Variants in LDB2 observed in about 807,000 individuals in gnomAD.
LDB2 encodes the protein LIM domain binding 2.
Under a neutral mutation model 44.3 loss-of-function variants are expected in LDB2, and 12 were observed. The observed-to-expected ratio is 0.27, with a 90% CI of 0.17 to 0.44. The LOEUF is 0.44. Among genes scored for constraint, LDB2 ranks in the 20% least tolerant of loss-of-function variants. LDB2 has a pLI of 1.00. For synonymous variants in LDB2, 164 were observed against 174.8 expected (o/e 0.94, Z 0.49); for missense variants, 344 against 473.5 (o/e 0.73, Z 2.54).
At chr4:16,515,487 T>C (rs1430445444) in intron 5 of LDB2, among the ~76,000 whole-genome samples, 1 of 152,224 alleles carries the variant, frequency 6.6e-6, no homozygotes, top group African/African-American at 2.4e-5. Flanking sequence ...GACTACTTCA[T>C]TGCCTTTCCA....
intron 5 of LDB2, among the ~76,000 whole-genome samples, chr4:16,573,055 A>T (rs1029547629): frequency 3.3e-5 from 5 of 152,250 alleles, no homozygotes; most frequent in African/African-American, 1.2e-4. Context: ...CCCACGGTGG[A>T]GTGGTGTAGC....
intron 1 of LDB2, among the ~76,000 whole-genome samples, chr4:16,893,995 CA>C (rs1156727700): frequency 3.3e-5 from 5 of 152,116 alleles, no homozygotes; most frequent in African/African-American, 1.2e-4. Flanking sequence ...CCTTCACTTA[CA>C]ATGATGTCCA....
intron 5 of LDB2, among the ~76,000 whole-genome samples, chr4:16,584,957 C>A (rs1157510590): frequency 1.3e-5 from 2 of 152,208 alleles, no homozygotes; most frequent in African/African-American, 4.8e-5. Context: ...TATGTGGGGT[C>A]AGCTGAGGAC....
intron 1 of LDB2, among the ~76,000 whole-genome samples, chr4:16,850,174 T>C (rs1787898876): frequency 6.6e-6 from 1 of 152,056 alleles, no homozygotes; most frequent in Non-Finnish European, 1.5e-5. Flanking sequence ...GCGCTTTCTG[T>C]GAGTCTGTTA....
At chr4:16,695,232 CA>C (rs1391209794) in intron 2 of LDB2, among the ~76,000 whole-genome samples, 1 of 152,058 alleles carries the variant, frequency 6.6e-6, no homozygotes, top group Non-Finnish European at 1.5e-5. Context: ...ATGCAGGCCA[CA>C]AAAAGTATAA....
intron 1 of LDB2, among the ~76,000 whole-genome samples, chr4:16,786,175 A>C (rs919586966): frequency 6.6e-6 from 1 of 152,198 alleles, no homozygotes; most frequent in Non-Finnish European, 1.5e-5. Flanking sequence ...ACCATGATCC[A>C]CAGGCTCTGT....
chr4:16,642,919 A>T (rs1045609965), intron 2 of LDB2, among the ~76,000 whole-genome samples: 2 of 152,206 alleles, frequency 1.3e-5, no homozygotes, highest in Non-Finnish European at 2.9e-5. Context: ...GAGGGGTGGC[A>T]AGAAGATAGT....
At chr4:16,675,354 T>A (rs1746011245) in intron 2 of LDB2, among the ~76,000 whole-genome samples, 1 of 152,216 alleles carries the variant, frequency 6.6e-6, no homozygotes, top group African/African-American at 2.4e-5. Flanking sequence ...TATGTCCTCA[T>A]GTGACTTCAA....
intron 2 of LDB2, among the ~76,000 whole-genome samples, chr4:16,606,360 A>G (rs1209591891): frequency 2.0e-5 from 3 of 152,202 alleles, no homozygotes; most frequent in Non-Finnish European, 2.9e-5. Context: ...AACAGGGTAG[A>G]AAGGGAAATA....
At chr4:16,693,446 C>G (rs947148671) in intron 2 of LDB2, among the ~76,000 whole-genome samples, 1 of 151,326 alleles carries the variant, frequency 6.6e-6, no homozygotes, top group African/African-American at 2.4e-5. Flanking sequence ...ACCTCCGCCT[C>G]CTGGGTTCAA....
chr4:16,507,494 G>T (rs80127795), intron 7 of LDB2, among the ~76,000 whole-genome samples: 2,315 of 152,238 alleles, frequency 0.015, 27 homozygotes, highest in Non-Finnish European at 0.024. Flanking sequence ...GATGGAGCAG[G>T]ATCAGAACAA....
Position 16,502,615 on chromosome 4 carries a change from T to C in LDB2, c.*28A>G, listed in dbSNP as rs774864777. ...ATTGTAATGATCACCCACGGGCCTA[T>C]TGACAGTGGATTCTGGTGCCGATCA... On this transcript the variant is annotated 3_prime_UTR_variant, in exon 8 of 8. Coordinates refer to ENST00000304523, the MANE Select transcript of LDB2 (RefSeq NM_001290.5). 5 of 1,611,348 alleles carry C rather than the reference T, an allele frequency of 3.1e-6. No individual in the cohort carries two copies. The highest frequency in any genetic ancestry group is 1.7e-5 in the Admixed American group (1 of 59,984).
intron 5 of LDB2, among the ~76,000 whole-genome samples, chr4:16,578,090 A>G (rs1328211252): frequency 1.3e-5 from 2 of 152,184 alleles, no homozygotes; most frequent in Non-Finnish European, 2.9e-5. Flanking sequence ...ATTAAATTTA[A>G]GCTCTCAAAC....
intron 1 of LDB2, among the ~76,000 whole-genome samples, chr4:16,804,787 A>C (rs953815207): frequency 6.6e-6 from 1 of 151,990 alleles, no homozygotes; most frequent in Non-Finnish European, 1.5e-5. Context: ...CTGATTTCTC[A>C]TTTTTTTTCT....
chr4:16,694,931 C>T (rs1484593463), intron 2 of LDB2, among the ~76,000 whole-genome samples: 1 of 152,212 alleles, frequency 6.6e-6, no homozygotes, highest in Non-Finnish European at 1.5e-5. Flanking sequence ...TTCATGGCAT[C>T]TTGGCCCCAG....
At chr4:16,688,397 C>T (rs1362329695) in intron 2 of LDB2, among the ~76,000 whole-genome samples, 1 of 152,208 alleles carries the variant, frequency 6.6e-6, no homozygotes, top group Non-Finnish European at 1.5e-5. Context: ...TTGATGGCAG[C>T]TGCCTGAGTC....
chr4:16,846,401 C>T (rs796589841), intron 1 of LDB2, among the ~76,000 whole-genome samples: 33 of 152,304 alleles, frequency 2.2e-4, no homozygotes, highest in South Asian at 8.3e-4. Context: ...ATCTTGTCTA[C>T]CCCTGGTGCT....
chr4:16,847,896 G>A (rs545906911), intron 1 of LDB2, among the ~76,000 whole-genome samples: 3 of 152,316 alleles, frequency 2.0e-5, no homozygotes, highest in Non-Finnish European at 2.9e-5. Context: ...GATTACAGGC[G>A]TGAGCCACCG....
At chr4:16,864,722 C>A (rs536327104) in intron 1 of LDB2, among the ~76,000 whole-genome samples, 3 of 151,354 alleles carry the variant, frequency 2.0e-5, no homozygotes, top group Non-Finnish European at 4.4e-5. Context: ...GTCAGGAGTT[C>A]GAGACCAGCC....
Sources: gnomAD v4.1 joint callset for allele counts (sites outside exome capture counted in the v4.1 genomes callset) on GRCh38, gnomAD v4.1.1 for gene constraint, MANE v1.5 for transcripts, NCBI Gene and HGNC (gene_info 2026-07-23, HGNC 2026-07-21) for gene names.